SNTG1: variants seen among roughly 807,000 people sequenced by gnomAD.
The protein encoded by SNTG1 is gamma-1-syntrophin.
Under a neutral mutation model 74.7 loss-of-function variants are expected in SNTG1, and 39 were observed. That is an observed-to-expected ratio of 0.52 (90% CI 0.40 to 0.68). The LOEUF is 0.68. SNTG1 is among the 30% of genes least tolerant of loss of function. The pLI is 0.00. For missense variants in SNTG1, 685 were observed against 609.5 expected (o/e 1.12, Z -1.30); for synonymous variants, 254 against 217.1 (o/e 1.17, Z -1.49).
chr8:50,778,634 T>G (rs577459752), intron 18 of SNTG1, among the ~76,000 whole-genome samples: 1 of 127,940 alleles, frequency 7.8e-6, no homozygotes, highest in Non-Finnish European at 1.5e-5. Context: ...TTGCGAAAAT[T>G]TTCTCCCATT....
chr8:50,030,669 C>T (rs1817667963), intron 1 of SNTG1, among the ~76,000 whole-genome samples: 1 of 151,890 alleles, frequency 6.6e-6, no homozygotes, highest in Non-Finnish European at 1.5e-5. Context: ...TTATGTGTGT[C>T]TATTTCAAGA....
At chr8:50,093,077 T>C (rs2079798788) in intron 1 of SNTG1, among the ~76,000 whole-genome samples, 1 of 152,116 alleles carries the variant, frequency 6.6e-6, no homozygotes, top group Non-Finnish European at 1.5e-5. Flanking sequence ...ATTCTAGTTG[T>C]GGAGCACATA....
chr8:50,135,638 T>A (rs1185524872), intron 1 of SNTG1, among the ~76,000 whole-genome samples: 2 of 152,142 alleles, frequency 1.3e-5, no homozygotes, highest in African/African-American at 2.4e-5. Context: ...AAAAAAAAAA[T>A]TCAATGAATT....
intron 1 of SNTG1, among the ~76,000 whole-genome samples, chr8:50,066,559 T>G (rs1271276877): frequency 6.6e-6 from 1 of 152,180 alleles, no homozygotes; most frequent in African/African-American, 2.4e-5. Flanking sequence ...CCTCCATTTT[T>G]GTGCGTTTGT....
intron 17 of SNTG1, among the ~76,000 whole-genome samples, chr8:50,727,813 T>C (rs906295293): frequency 6.6e-6 from 1 of 152,138 alleles, no homozygotes; most frequent in African/African-American, 2.4e-5. Flanking sequence ...CCACTGACCA[T>C]TAAAAGTGAC....
chr8:50,604,730 C>A (rs1037899776), intron 13 of SNTG1, among the ~76,000 whole-genome samples: 2 of 152,130 alleles, frequency 1.3e-5, no homozygotes, highest in African/African-American at 4.8e-5. Context: ...CTGCTTGGTG[C>A]TCTACCCCAT....
intron 10 of SNTG1, among the ~76,000 whole-genome samples, chr8:50,533,429 T>A (rs1290084591): frequency 1.3e-5 from 2 of 152,196 alleles, no homozygotes; most frequent in East Asian, 3.8e-4. Context: ...ATTGCTGCTT[T>A]TTCCAGTCAC....
At chr8:50,489,883 T>C (rs1055060364) in intron 8 of SNTG1, among the ~76,000 whole-genome samples, 1 of 152,216 alleles carries the variant, frequency 6.6e-6, no homozygotes. Context: ...GGTTTTCTTC[T>C]AGGATTTTCA....
rs533595353 is a variant in SNTG1 at position 50,284,585 on chromosome 8, C to T, written c.-27-109627C>T. Among the ~76,000 whole-genome samples, 319 of 152,248 alleles carry T rather than the reference C, an allele frequency of 2.1e-3. 2 individuals are homozygous for T. Among genetic ancestry groups the T allele is most frequent in the Admixed American group, 4.2e-3 (65 of 15,296 alleles). ...CCTTACTTCCTGGAACCACAAAATG[C>T]TCCAATTTCATCTTGCATATTTCCT... On this transcript the variant is annotated intron_variant, in intron 2 of 18. Transcript: ENST00000642720.
At chr8:50,153,041 C>T (rs2082124551) in intron 1 of SNTG1, among the ~76,000 whole-genome samples, 1 of 152,152 alleles carries the variant, frequency 6.6e-6, no homozygotes, top group Non-Finnish European at 1.5e-5. Context: ...TTCAGGTACA[C>T]CAATCAGACG....
At chr8:50,227,640 C>T (rs545446914) in intron 2 of SNTG1, among the ~76,000 whole-genome samples, 39 of 151,970 alleles carry the variant, frequency 2.6e-4, no homozygotes, top group Middle Eastern at 3.4e-3. Context: ...ACTGCATCAA[C>T]GCAGCTCCAG....
chr8:50,668,425 T>C (rs368153973), intron 15 of SNTG1, among the ~76,000 whole-genome samples: 3 of 151,344 alleles, frequency 2.0e-5, no homozygotes, highest in Non-Finnish European at 4.4e-5. Context: ...TGTTTTTTTT[T>C]CCAAGGAGAG....
At position 50,674,149 on chromosome 8, in the gene SNTG1, G is replaced by A. The variant is rs558089066; in HGVS notation, c.1038+15486G>A. Reference sequence around the variant, plus strand: ...GCCTGAAGTTTTGTTTTTTTATTGTGTCTCTTTCCAGTTTTGGTATTAGGA... The same window carrying A: ...GCCTGAAGTTTTGTTTTTTTATTGTATCTCTTTCCAGTTTTGGTATTAGGA... On this transcript the variant is annotated intron_variant, in intron 15 of 18. Coordinates refer to ENST00000642720, the MANE Select transcript of SNTG1 (RefSeq NM_018967.5). Among the ~76,000 whole-genome samples, 77 of 152,060 alleles carry A rather than the reference G, an allele frequency of 5.1e-4. 2 individuals are homozygous for A. Among genetic ancestry groups the A allele is most frequent in the African/African-American group, 1.6e-3 (66 of 41,480 alleles).
Position 49,965,465 on chromosome 8 carries a change from A to G in SNTG1, c.-103+53234A>G, listed in dbSNP as rs922139128. ...ACATTTCACTTTGATTCTCATGCTT[A>G]CTCACCTTAACAAACAGAAAATGAA... On this transcript the variant is annotated intron_variant, in intron 1 of 18. Coordinates refer to ENST00000642720, the MANE Select transcript of SNTG1 (RefSeq NM_018967.5). Among the ~76,000 whole-genome samples, 7 of 152,284 alleles carry G rather than the reference A, an allele frequency of 4.6e-5. No homozygotes were observed. In the South Asian group the frequency reaches 1.5e-3, roughly 32 times the overall value.
intron 8 of SNTG1, among the ~76,000 whole-genome samples, chr8:50,501,677 CGAACTCCA>C (rs2129686565): frequency 6.7e-6 from 1 of 149,390 alleles, no homozygotes; most frequent in Admixed American, 6.7e-5. Flanking sequence ...AGGCTGGTCT[CGAACTCCA>C]GACCTCAGAT....
intron 6 of SNTG1, 37 bp from the exon 7 acceptor site, chr8:50,450,519 A>T: frequency 6.2e-7 from 1 of 1,605,212 alleles, no homozygotes; most frequent in Non-Finnish European, 8.5e-7. Flanking sequence ...TAACAAAAAC[A>T]GTCAATGCAT....
At chr8:50,329,721 C>G (rs746879154) in intron 2 of SNTG1, among the ~76,000 whole-genome samples, 2 of 152,194 alleles carry the variant, frequency 1.3e-5, no homozygotes, top group South Asian at 4.1e-4. Flanking sequence ...GACAAGCCCT[C>G]GAGACATTTT....
intron 8 of SNTG1, among the ~76,000 whole-genome samples, chr8:50,489,754 G>C (rs2093833778): frequency 6.6e-6 from 1 of 152,180 alleles, no homozygotes; most frequent in African/African-American, 2.4e-5. Context: ...AGTTTCTTTG[G>C]CTGTGGAGAA....
chr8:50,393,830 T>A (rs9298318), intron 2 of SNTG1, among the ~76,000 whole-genome samples: 1 of 152,082 alleles, frequency 6.6e-6, no homozygotes, highest in Non-Finnish European at 1.5e-5. Flanking sequence ...GAAAGGCAAC[T>A]TTTAATTGCT....
Sources: allele counts gnomAD v4.1 joint callset (sites outside exome capture counted in the v4.1 genomes callset), GRCh38; gene constraint gnomAD v4.1.1; transcripts MANE v1.5; gene names NCBI Gene and HGNC (gene_info 2026-07-23, HGNC 2026-07-21).